The following DMPK variants were observed in gnomAD, a reference collection of about 807,000 sequenced individuals.
The protein encoded by DMPK is DM1 protein kinase, also known as myotonin-protein kinase.
In DMPK, 32 loss-of-function variants were observed where a neutral mutation model predicts 70.3. That is an observed-to-expected ratio of 0.46 (90% CI 0.34 to 0.61). The LOEUF (loss-of-function observed/expected upper bound fraction) is 0.61, where lower values mean the gene tolerates loss of function less well. Among genes scored for constraint, DMPK ranks in the 20% least tolerant of loss-of-function variants. The pLI is 0.01. For missense variants in DMPK, 899 were observed against 886.0 expected, an observed-to-expected ratio of 1.01 and a Z score of -0.19; for synonymous variants, 469 against 390.9, an observed-to-expected ratio of 1.20 and a Z score of -2.36.
intron 10 of DMPK, 41 bp downstream of exon 10, chr19:45,772,600 C>T: frequency 7.2e-7 from 1 of 1,382,516 alleles, no homozygotes; most frequent in African/African-American, 1.5e-5. Flanking sequence ...CTTTTCTCTC[C>T]CAATTGTCCC....
intron 1 of DMPK, chr19:45,780,294 C>T (rs1970045183): frequency 2.6e-6 from 4 of 1,540,488 alleles, no homozygotes; most frequent in East Asian, 2.3e-5. Flanking sequence ...TCCTGGGTAA[C>T]GGCCCAGACG....
At chr19:45,780,012 C>T (rs1272972002) in intron 1 of DMPK, 143 bp from the exon 2 acceptor site, 1 of 1,553,898 alleles carries the variant, frequency 6.4e-7, no homozygotes, top group Admixed American at 2.0e-5. Context: ...AGGGGCTTCC[C>T]CACATAAACA....
rs979400674 is a variant in DMPK at position 45,778,030 on chromosome 19, C to T, written c.675+97G>A. Reference sequence around the variant, plus strand: ...CACACTTAAGCCTGGGTCACACCACCTCTTTTCCCCTCCAAATCCAGTCCC... The same window carrying T: ...CACACTTAAGCCTGGGTCACACCACTTCTTTTCCCCTCCAAATCCAGTCCC... On this transcript the variant is annotated intron_variant, in intron 6 of 14. Transcript: ENST00000291270. 6 of 1,262,156 alleles carry T rather than the reference C, an allele frequency of 4.8e-6. No homozygotes were observed. The African/African-American group carries it at 5.9e-5, about 12-fold the overall frequency. 78.2% of individuals were successfully genotyped at this position (1,262,156 alleles called of 1,614,324 possible). A position where few individuals can be genotyped will look rare whatever the true frequency, so the allele number is the denominator to read the frequency against.
chr19:45,770,047 C>T lies in DMPK; in HGVS notation c.*441G>A. The T allele has an allele frequency of 2.3e-6, 1 of 440,218 alleles. No individual in the cohort carries two copies. The highest frequency in any genetic ancestry group is 4.3e-6 in the Non-Finnish European group (1 of 233,972). 27.3% of individuals were successfully genotyped at this position (440,218 alleles called of 1,614,324 possible). A position where few individuals can be genotyped will look rare whatever the true frequency, so the allele number is the denominator to read the frequency against. On this transcript the variant is annotated 3_prime_UTR_variant, in exon 15 of 15. Transcript: ENST00000291270. The stretch of plus-strand genomic sequence containing the variant: ...ACGCTCCCCAGAGCAGGGCGTCATG[C>T]ACAAGAAAGCTTTGCACTTTGCGAA...
In DMPK at chr19:45,779,552, GACGGCGGGAAA is replaced by G. The variant is rs1600446297; in HGVS notation, c.253-41_253-31del. ...GGTCGAGATAGTGAGACAGAGTGGA[GACGGCGGGAAA>G]ACAAAAGGGCTCGCCCAGACCCAAC... On this transcript the variant is annotated intron_variant, in intron 2 of 14. Coordinates refer to ENST00000291270, the MANE Select transcript of DMPK (RefSeq NM_004409.5). The G allele has an allele frequency of 8.1e-6, 13 of 1,613,092 alleles. No individual in the cohort carries two copies. In the East Asian group the frequency reaches 2.9e-4, roughly 36 times the overall value.
intron 4 of DMPK, chr19:45,779,028 A>C: frequency 1.7e-6 from 1 of 593,408 alleles, no homozygotes; most frequent in Non-Finnish European, 3.0e-6. Flanking sequence ...CGCAACAGAG[A>C]CATCTTTATA....
Position 45,770,714 on chromosome 19 carries a change from C to T in DMPK, c.1738-74G>A. 2 of 1,488,502 alleles carry T rather than the reference C, an allele frequency of 1.3e-6. 1 individual carries two copies. Among genetic ancestry groups the T allele is most frequent in the Non-Finnish European group, 1.8e-6 (2 of 1,103,844 alleles). 92.2% of individuals were successfully genotyped at this position (1,488,502 alleles called of 1,614,324 possible). On this transcript the variant is annotated intron_variant, in intron 14 of 14. Transcript: ENST00000291270. ...TCCTGGGACTCGCCCCGCCTACGCC[C>T]ATAGGTGGGCCCGCACTCTTCCCTG...
In DMPK at chr19:45,779,527, G is replaced by A. The variant is rs1969991846; in HGVS notation, c.253-5C>T. 6.2e-7 allele frequency: 1 copy of A among 1,613,678 alleles called. No individual in the cohort carries two copies. Among genetic ancestry groups the A allele is most frequent in the Non-Finnish European group, 8.5e-7 (1 of 1,179,990 alleles). On this transcript the variant is annotated splice_polypyrimidine_tract_variant and splice_region_variant and intron_variant, in intron 2 of 14. Transcript: ENST00000291270. ...CTTCATCTTCACTACCGCTACCTGA[G>A]GTCGAGATAGTGAGACAGAGTGGAG...
chr19:45,780,347 C>G lies in DMPK; in HGVS notation c.161-478G>C, dbSNP rs1041351489. ...CCTCTAGATTCAGATGCAGGTGGTT[C>G]TTGAACCACACTTTGGAAAACCCTG... is the stretch of plus-strand genomic sequence containing the variant. On this transcript the variant is annotated intron_variant, in intron 1 of 14. Coordinates refer to ENST00000291270, the MANE Select transcript of DMPK (RefSeq NM_004409.5). 5.2e-6 allele frequency: 8 copies of G among 1,530,542 alleles called. No homozygotes were observed. In the African/African-American group the frequency reaches 1.1e-4, roughly 21 times the overall value. The allele number at this position is 1,530,542 out of a possible 1,614,324, so 94.8% of individuals were successfully genotyped here. A position where few individuals can be genotyped will look rare whatever the true frequency, so the allele number is the denominator to read the frequency against.
intron 5 of DMPK, 40 bp downstream of exon 5, chr19:45,778,453 G>A (rs1469927199): frequency 2.5e-6 from 4 of 1,601,824 alleles, no homozygotes; most frequent in Middle Eastern, 1.8e-4. Flanking sequence ...AACCCGGCCA[G>A]GGAACAAGCT....
rs747405436 is a variant in DMPK, at chr19:45,775,019, T to C, written c.1162A>G (p.Ile388Val). ...ACCCCTAGCGGCGCACCTTCCCGAATGTCCGACAGTGTCTCCTGCGCAAGA... is the reference window on the plus strand; with the variant it reads ...ACCCCTAGCGGCGCACCTTCCCGAACGTCCGACAGTGTCTCCTGCGCAAGA... ...VSGGGETLSD[I>V]REGAPLGVHL... Residue 388 changes from isoleucine to valine, a missense_variant, in exon 9 of 15, where the codon ATT becomes GTT. Ile to Val is a conservative substitution (Grantham distance 29). Coordinates refer to ENST00000291270, the MANE Select transcript of DMPK (RefSeq NM_004409.5). 1 of 1,613,788 alleles carries C rather than the reference T, an allele frequency of 6.2e-7. No individual in the cohort carries two copies.
In DMPK at chr19:45,779,256, G is replaced by A. The variant is rs781734640; in HGVS notation, c.432+8C>T. The A allele has an allele frequency of 2.5e-6, 4 of 1,613,632 alleles. No individual in the cohort carries two copies. Among genetic ancestry groups the A allele is most frequent in the African/African-American group, 1.3e-5 (1 of 74,898 alleles). On this transcript the variant is annotated splice_region_variant and intron_variant, in intron 4 of 14. Coordinates refer to ENST00000291270, the MANE Select transcript of DMPK (RefSeq NM_004409.5). ...CCCTCTTCCTAGTCACCCCGGCCCG[G>A]AGCTCACCAGGTAGTTCTCATCCTG... is the stretch of plus-strand genomic sequence containing the variant.
At chr19:45,772,079 G>GC in intron 10 of DMPK, 151 bp from the exon 11 acceptor site, 2 of 1,082,016 alleles carry the variant, frequency 1.8e-6, no homozygotes, top group South Asian at 1.7e-5. Context: ...AATGATCCAA[G>GC]CCCCCTCCCT....
chr19:45,771,245 A>G (rs1215733664), intron 13 of DMPK, 105 bp downstream of exon 13: 5 of 1,451,854 alleles, frequency 3.4e-6, no homozygotes, highest in Admixed American at 2.3e-5. Flanking sequence ...TAAAGTCGCA[A>G]AGACGTAGGG....
At position 45,778,688 on chromosome 19, in the gene DMPK, G is replaced by A. The variant is rs1262066028; in HGVS notation, c.433-47C>T. The A allele has an allele frequency of 3.8e-6, 6 of 1,590,642 alleles. 1 individual carries two copies. The South Asian group carries it at 5.6e-5, about 15-fold the overall frequency. On this transcript the variant is annotated intron_variant, in intron 4 of 14. Transcript: ENST00000291270. ...GTGGTTGGTAGTCCCCTGAGGCCCTGATCCATCACGGATGGCTGGGACAAC... is the reference window on the plus strand; with the variant it reads ...GTGGTTGGTAGTCCCCTGAGGCCCTAATCCATCACGGATGGCTGGGACAAC...
rs1004330688 is a variant in DMPK, at chr19:45,780,458, A to C, written c.161-589T>G. 19 of 1,247,436 alleles carry C rather than the reference A, an allele frequency of 1.5e-5. No individual in the cohort carries two copies. The Middle Eastern group carries it at 9.2e-4, about 60-fold the overall frequency. The allele number at this position is 1,247,436 out of a possible 1,614,324, so 77.3% of individuals were successfully genotyped here. ...AGACTCAAGTGCTCCGGTCCAGCCC[A>C]TCTCTCAGTCCTCCAGGAGGAGTGC... On this transcript the variant is annotated intron_variant, in intron 1 of 14. Coordinates refer to ENST00000291270, the MANE Select transcript of DMPK (RefSeq NM_004409.5).
Position 45,769,971 on chromosome 19 carries a change from C to T in DMPK, c.*517G>A. 2 of 312,782 alleles carry T rather than the reference C, an allele frequency of 6.4e-6. No individual in the cohort carries two copies. The highest frequency in any genetic ancestry group is 3.5e-5 in the South Asian group (1 of 28,904). The allele number at this position is 312,782 out of a possible 1,614,324, so 19.4% of individuals were successfully genotyped here. A position where few individuals can be genotyped will look rare whatever the true frequency, so the allele number is the denominator to read the frequency against. On this transcript the variant is annotated 3_prime_UTR_variant, in exon 15 of 15. Transcript: ENST00000291270. ...GGGGGGCGCGGGATCCCCGAAAAAG[C>T]GGGTTTGGCAAAAGCAAATTTCCCG... is the stretch of plus-strand genomic sequence containing the variant.
At chr19:45,772,942 G>T (rs1017110853) in intron 9 of DMPK, among the ~76,000 whole-genome samples, 190 bp from the exon 10 acceptor site, 8 of 152,194 alleles carry the variant, frequency 5.3e-5, no homozygotes, top group African/African-American at 1.7e-4. Flanking sequence ...GAAAAGCCCT[G>T]CCCCTCTCCT....
chr19:45,782,429 G>C lies in DMPK; in HGVS notation c.-77C>G. ...CCTGTCACAGGGCCTGGCAGCCCCT[G>C]TCCAGGCCCTGGAGCCCTGGCTGCA... is the stretch of plus-strand genomic sequence containing the variant. On this transcript the variant is annotated 5_prime_UTR_variant, in exon 1 of 15. Coordinates refer to ENST00000291270, the MANE Select transcript of DMPK (RefSeq NM_004409.5). 7.1e-7 allele frequency: 1 copy of C among 1,416,158 alleles called. No individual in the cohort carries two copies. Among genetic ancestry groups the C allele is most frequent in the South Asian group, 1.4e-5 (1 of 69,304 alleles). 87.7% of individuals were successfully genotyped at this position (1,416,158 alleles called of 1,614,324 possible). A position where few individuals can be genotyped will look rare whatever the true frequency, so the allele number is the denominator to read the frequency against.
Sources: gnomAD v4.1 joint callset for allele counts (sites outside exome capture counted in the v4.1 genomes callset) on GRCh38, gnomAD v4.1.1 for gene constraint, MANE v1.5 for transcripts, NCBI Gene and HGNC (gene_info 2026-07-23, HGNC 2026-07-21) for gene names.